The following CDH4 variants were observed in gnomAD, a reference collection of about 807,000 sequenced individuals.
The protein encoded by CDH4 is cadherin-4.
Under a neutral mutation model 86.0 loss-of-function variants are expected in CDH4, and 33 were observed. The ratio of observed to expected loss-of-function variants is 0.38; its 90% CI spans 0.29 to 0.51. The LOEUF (loss-of-function observed/expected upper bound fraction) is 0.51, where lower values mean the gene tolerates loss of function less well. Among genes scored for constraint, CDH4 ranks in the 20% least tolerant of loss-of-function variants. The pLI is 0.86. For synonymous variants in CDH4, 555 were observed against 549.4 expected, an observed-to-expected ratio of 1.01 and a Z score of -0.14; for missense variants, 1,114 against 1,307.4, an observed-to-expected ratio of 0.85 and a Z score of 2.28.
At chr20:61,619,614 A>G (rs941610994) in intron 2 of CDH4, among the ~76,000 whole-genome samples, 1 of 152,206 alleles carries the variant, frequency 6.6e-6, no homozygotes, top group Non-Finnish European at 1.5e-5. Context: ...AGTCTGGTTC[A>G]GGCTGTGTGA....
intron 2 of CDH4, among the ~76,000 whole-genome samples, chr20:61,575,017 G>A (rs913533465): frequency 2.0e-5 from 3 of 152,220 alleles, no homozygotes; most frequent in African/African-American, 7.2e-5. Context: ...GGAAGGTGCG[G>A]CACAGGGTCT....
At chr20:61,405,001 G>A (rs2085073369) in intron 2 of CDH4, among the ~76,000 whole-genome samples, 1 of 152,206 alleles carries the variant, frequency 6.6e-6, no homozygotes, top group South Asian at 2.1e-4. Context: ...AGTGAGCTGA[G>A]ATCGCGCCCC....
At chr20:61,876,432 G>A (rs558551421) in intron 7 of CDH4, among the ~76,000 whole-genome samples, 5 of 152,334 alleles carry the variant, frequency 3.3e-5, no homozygotes, top group African/African-American at 1.2e-4. Flanking sequence ...ACGTCCAATT[G>A]GAGAGGCAGC....
intron 2 of CDH4, among the ~76,000 whole-genome samples, chr20:61,601,365 C>T (rs145497822): frequency 1.9e-4 from 29 of 152,292 alleles, no homozygotes; most frequent in East Asian, 7.7e-4. Context: ...CACAGTTCAA[C>T]GGGAGATTTG....
At position 61,294,997 on chromosome 20, in the gene CDH4, C is replaced by T. The variant is rs145025999; in HGVS notation, c.169+40060C>T. On this transcript the variant is annotated intron_variant, in intron 2 of 15. Transcript: ENST00000614565. ...GTTGAGGAAAAAGAAAGTGAGCCCG[C>T]GAGAATGTCCCCTTGGATGGAGTCT... Among the ~76,000 whole-genome samples, 981 of 152,316 alleles carry T rather than the reference C, an allele frequency of 6.4e-3. 11 individuals are homozygous for T. Among genetic ancestry groups the T allele is most frequent in the African/African-American group, 0.023 (942 of 41,564 alleles).
In CDH4 at chr20:61,579,670, T is replaced by A. The variant is rs553376294; in HGVS notation, c.170-163893T>A. 2.0e-5 allele frequency among the ~76,000 whole-genome samples: 3 copies of A among 152,186 alleles called. No homozygotes were observed. In the East Asian group the frequency reaches 5.8e-4, roughly 29 times the overall value. On this transcript the variant is annotated intron_variant, in intron 2 of 15. Coordinates refer to ENST00000614565, the MANE Select transcript of CDH4 (RefSeq NM_001794.5). Reference sequence around the variant, plus strand: ...GAAAACAGAGGCCACATCTGGCTTATCTCCCACAACCCCCACTCTGCCCCG... The same window carrying A: ...GAAAACAGAGGCCACATCTGGCTTAACTCCCACAACCCCCACTCTGCCCCG...
chr20:61,726,136 ACTGTGGTGAACCCTCTCCACTC>A (rs1286536049), intron 2 of CDH4, among the ~76,000 whole-genome samples: 23 of 150,940 alleles, frequency 1.5e-4, no homozygotes, highest in Admixed American at 7.3e-4. Context: ...CTCGGGGGGG[ACTGTGGTGAACCCTCTCCACTC>A]CTGCAGCAAC....
At chr20:61,742,454 C>T (rs1313208284) in intron 2 of CDH4, among the ~76,000 whole-genome samples, 2 of 152,134 alleles carry the variant, frequency 1.3e-5, no homozygotes, top group Admixed American at 6.5e-5. Flanking sequence ...AAGGTGAATG[C>T]GAGGGGAAAA....
At chr20:61,273,690 GA>G (rs2084201607) in intron 2 of CDH4, among the ~76,000 whole-genome samples, 1 of 149,444 alleles carries the variant, frequency 6.7e-6, no homozygotes, top group Non-Finnish European at 1.5e-5. Flanking sequence ...CAGTTTGGGG[GA>G]GTACCATGTG....
rs150971193 is a variant in CDH4, at chr20:61,258,345, AG to A, written c.169+3409del. 2.6e-4 allele frequency among the ~76,000 whole-genome samples: 30 copies of A among 117,020 alleles called. 1 individual carries two copies. The highest frequency in any genetic ancestry group is 6.9e-4 in the African/African-American group (20 of 29,024). The allele number at this position is 117,020 out of a possible 152,430, so 76.8% of individuals were successfully genotyped here. On this transcript the variant is annotated intron_variant, in intron 2 of 15. Coordinates refer to ENST00000614565, the MANE Select transcript of CDH4 (RefSeq NM_001794.5). The stretch of plus-strand genomic sequence containing the variant: ...ACTCCGTCTCAAAAAAAAAAAAAAA[AG>A]AAAAAAAAAAAAGAAAGAGGAGCAT...
chr20:61,884,698 G>A (rs548304632), intron 7 of CDH4, among the ~76,000 whole-genome samples: 36 of 152,280 alleles, frequency 2.4e-4, no homozygotes, highest in African/African-American at 7.2e-4. Context: ...CCTCGGGGGC[G>A]GCTGCTGCTA....
intron 2 of CDH4, among the ~76,000 whole-genome samples, chr20:61,689,539 G>A (rs1451880569): frequency 2.0e-4 from 19 of 97,378 alleles, no homozygotes; most frequent in Non-Finnish European, 1.9e-4. Flanking sequence ...GTGAGGTGAT[G>A]TGGAATTGGG....
intron 7 of CDH4, among the ~76,000 whole-genome samples, chr20:61,888,976 C>T (rs926974249): frequency 1.3e-5 from 2 of 152,178 alleles, no homozygotes; most frequent in Admixed American, 1.3e-4. Context: ...CAGGAACATG[C>T]TTTTTTATTG....
chr20:61,652,938 ATTTT>A (rs763918382), intron 2 of CDH4, among the ~76,000 whole-genome samples: 2 of 97,398 alleles, frequency 2.1e-5, no homozygotes, highest in South Asian at 2.9e-4. Context: ...TTATTTATTT[ATTTT>A]TTTTTTTTTT....
chr20:61,620,178 G>GTGGGTGGGTGGA (rs1568716738), intron 2 of CDH4, among the ~76,000 whole-genome samples: 5 of 139,410 alleles, frequency 3.6e-5, no homozygotes, highest in African/African-American at 1.3e-4. Context: ...GGATGGATGG[G>GTGGGTGGGTGGA]TGGGTGGGTG....
intron 2 of CDH4, among the ~76,000 whole-genome samples, chr20:61,282,044 G>T (rs2084261712): frequency 6.6e-6 from 1 of 152,214 alleles, no homozygotes; most frequent in African/African-American, 2.4e-5. Context: ...AGCACGCATG[G>T]CATATTGTGG....
chr20:61,690,091 A>G (rs66764655), intron 2 of CDH4, among the ~76,000 whole-genome samples: 35,066 of 138,782 alleles, frequency 0.25, 5,697 homozygotes, highest in African/African-American at 0.47. Flanking sequence ...GTGGATTCTG[A>G]CAGGGACAGT....
chr20:61,791,587 C>T (rs1467803316), intron 4 of CDH4, among the ~76,000 whole-genome samples: 1 of 152,132 alleles, frequency 6.6e-6, no homozygotes, highest in Admixed American at 6.6e-5. Flanking sequence ...TGGAGACAGG[C>T]GGTAAAGGCA....
intron 4 of CDH4, among the ~76,000 whole-genome samples, chr20:61,831,175 G>A (rs937399533): frequency 1.3e-5 from 2 of 152,216 alleles, no homozygotes; most frequent in African/African-American, 4.8e-5. Context: ...GGCGGCCAAA[G>A]CTTCCTTCCT....
Sources: gnomAD v4.1 joint callset for allele counts (sites outside exome capture counted in the v4.1 genomes callset) on GRCh38, gnomAD v4.1.1 for gene constraint, MANE v1.5 for transcripts, NCBI Gene and HGNC (gene_info 2026-07-23, HGNC 2026-07-21) for gene names.